CIITA: variants seen among roughly 807,000 people sequenced by gnomAD.
CIITA encodes the protein class II major histocompatibility complex transactivator, also known as MHC class II transactivator.
Under a neutral mutation model 115.1 loss-of-function variants are expected in CIITA, and 72 were observed. The observed-to-expected ratio is 0.63, with a 90% CI of 0.52 to 0.76. The LOEUF (loss-of-function observed/expected upper bound fraction) is 0.76. CIITA is among the 30% of genes least tolerant of loss of function. The pLI, the probability that CIITA is intolerant of heterozygous loss-of-function variation, is 0.00. For missense variants in CIITA, 1,617 were observed against 1,463.8 expected, an observed-to-expected ratio of 1.10 and a Z score of -1.71; for synonymous variants, 763 against 635.6, an observed-to-expected ratio of 1.20 and a Z score of -3.02.
In CIITA at chr16:10,901,565, A is replaced by G. The variant is rs780081931; in HGVS notation, c.481+7A>G. On this transcript the variant is annotated splice_region_variant and intron_variant, in intron 6 of 19. Coordinates refer to ENST00000324288, the MANE Select transcript of CIITA (RefSeq NM_000246.4). The surrounding 1 kb of genome is among the most constrained non-coding windows in gnomAD (Gnocchi z 6.8). ...CTGAAGCACTGGAAGCCAGGTGTGC[A>G]GGGCAGGTGGGCTGGGGTTGGGAAG... 3.1e-6 allele frequency: 5 copies of G among 1,613,780 alleles called. No homozygotes were observed. Among genetic ancestry groups the G allele is most frequent in the Non-Finnish European group, 4.2e-6 (5 of 1,179,894 alleles).
At position 10,901,026 on chromosome 16, in the gene CIITA, G is replaced by T. The variant is rs1458207999; in HGVS notation, c.437-488G>T. Reference sequence around the variant, plus strand: ...CCATGCAGTGTTTCGTTGGGTAGATGAACCATAATTTGTTTAAGCAGTCCC... The same window carrying T: ...CCATGCAGTGTTTCGTTGGGTAGATTAACCATAATTTGTTTAAGCAGTCCC... On this transcript the variant is annotated intron_variant, in intron 5 of 19. Transcript: ENST00000324288. The surrounding 1 kb of genome is among the most constrained non-coding windows in gnomAD (Gnocchi z 6.8). Among the ~76,000 whole-genome samples, 1 of 152,098 alleles carries T rather than the reference G, an allele frequency of 6.6e-6. No homozygotes were observed. The highest frequency in any genetic ancestry group is 1.5e-5 in the Non-Finnish European group (1 of 68,012).
At position 10,898,910 on chromosome 16, in the gene CIITA, T is replaced by A; in HGVS notation, c.359-15T>A. The stretch of plus-strand genomic sequence containing the variant: ...ATTGATTGTGTGAGTTGGTCTCTGG[T>A]TTTTCTCAAAGTAGAGCACATAGGA... On this transcript the variant is annotated splice_polypyrimidine_tract_variant and intron_variant, in intron 4 of 19. Coordinates refer to ENST00000324288, the MANE Select transcript of CIITA (RefSeq NM_000246.4). 1 of 1,613,754 alleles carries A rather than the reference T, an allele frequency of 6.2e-7. No individual in the cohort carries two copies. Among genetic ancestry groups the A allele is most frequent in the Admixed American group, 1.7e-5 (1 of 59,998 alleles).
intron 16 of CIITA, 117 bp downstream of exon 16, chr16:10,918,643 C>T: frequency 1.2e-6 from 1 of 830,404 alleles, no homozygotes; most frequent in East Asian, 2.5e-5. Flanking sequence ...CACCACAGCC[C>T]TGAACAAAAG....
At position 10,923,109 on chromosome 16, in the gene CIITA, G is replaced by T. The variant is rs945445396; in HGVS notation, c.3318-119G>T. On this transcript the variant is annotated intron_variant, in intron 18 of 19. Coordinates refer to ENST00000324288, the MANE Select transcript of CIITA (RefSeq NM_000246.4). This position sits in a 1 kb window ranked among gnomAD's most constrained non-coding sequence, Gnocchi z 5.2. ...CCCACACCGGTCGGTATCTTGCCAG[G>T]GGAAAAGTCCCCAACGTTCTAGGCT... 25 of 874,810 alleles carry T rather than the reference G, an allele frequency of 2.9e-5. No homozygotes were observed. Among genetic ancestry groups the T allele is most frequent in the Non-Finnish European group, 4.0e-5 (21 of 521,786 alleles). The allele number at this position is 874,810 out of a possible 1,614,324, so 54.2% of individuals were successfully genotyped here.
At position 10,928,296 on chromosome 16, in the gene CIITA, T is replaced by G. The variant is rs1480342019; in HGVS notation, c.*4441T>G. 1 of 152,160 alleles carries G rather than the reference T, an allele frequency of 6.6e-6. No homozygotes were observed. Among genetic ancestry groups the G allele is most frequent in the African/African-American group, 2.4e-5 (1 of 41,436 alleles). The allele number at this position is 152,160 out of a possible 1,614,324, so 9.4% of individuals were successfully genotyped here. On this transcript the variant is annotated 3_prime_UTR_variant, in exon 20 of 20. Coordinates refer to ENST00000324288, the MANE Select transcript of CIITA (RefSeq NM_000246.4). ...TTCCGTGAAACTACAAGCTCCCAAT[T>G]CCACTCATTTAATCCCTCTCTTGCT...
At chr16:10,882,199 G>A (rs1596444618) in intron 1 of CIITA, among the ~76,000 whole-genome samples, 1 of 152,144 alleles carries the variant, frequency 6.6e-6, no homozygotes, top group Admixed American at 6.5e-5. Flanking sequence ...GTCTATTTAA[G>A]TTTCTTTAAA....
rs2041142687 is a variant in CIITA, at chr16:10,942,929, G to A, written n.2055G>A. 1.3e-5 allele frequency: 2 copies of A among 152,248 alleles called. No homozygotes were observed. The highest frequency in any genetic ancestry group is 4.8e-5 in the African/African-American group (2 of 41,446). 9.4% of individuals were successfully genotyped at this position (152,248 alleles called of 1,614,324 possible). A position where few individuals can be genotyped will look rare whatever the true frequency, so the allele number is the denominator to read the frequency against. Reference sequence around the variant, plus strand: ...CCCTTCGCTTCTCCAAACTCTGGTTGCTGGAAGGTCCGCCCACTACGGAAC... The same window carrying A: ...CCCTTCGCTTCTCCAAACTCTGGTTACTGGAAGGTCCGCCCACTACGGAAC... On this transcript the variant is annotated non_coding_transcript_exon_variant, in exon 2 of 2. Coordinates refer to the CIITA transcript ENST00000573379. This position sits in a 1 kb window ranked among gnomAD's most constrained non-coding sequence, Gnocchi z 5.0.
chr16:10,911,832 C>T (rs745622379), intron 13 of CIITA, among the ~76,000 whole-genome samples: 16 of 150,940 alleles, frequency 1.1e-4, no homozygotes, highest in Admixed American at 2.0e-4. Context: ...ATTACAGGTG[C>T]GAGCTCCCGC....
At position 10,903,834 on chromosome 16, in the gene CIITA, A is replaced by G. The variant is rs1237976267; in HGVS notation, c.876A>G (p.Pro292=). The stretch of plus-strand genomic sequence containing the variant: ...CAGGCTCCACCAGCCCCTTCGCTCC[A>G]TCAGCCACTGACCTGCCCAGCATGC... ...DRPGSTSPFA[P]SATDLPSMPE... The change falls in exon 9 of 20, where the codon CCA becomes CCG. Residue 292 remains proline (P), a synonymous_variant. Transcript: ENST00000324288. 6.2e-7 allele frequency: 1 copy of G among 1,614,040 alleles called. No individual in the cohort carries two copies. The highest frequency in any genetic ancestry group is 8.5e-7 in the Non-Finnish European group (1 of 1,180,016).
At chr16:10,871,029 G>A (rs190714218) in intron 1 of CIITA, among the ~76,000 whole-genome samples, 4 of 152,250 alleles carry the variant, frequency 2.6e-5, no homozygotes, top group African/African-American at 9.6e-5. Context: ...CTGCCCTCGA[G>A]TTGAACTGGC....
At chr16:10,916,482 T>A (rs1395872620) in intron 15 of CIITA, 23 bp downstream of exon 15, 4 of 1,596,102 alleles carry the variant, frequency 2.5e-6, no homozygotes, top group Non-Finnish European at 3.4e-6. Context: ...GGCCTGCCCT[T>A]CCTGCTGAAT....
In CIITA at chr16:10,941,563, A is replaced by G; in HGVS notation, n.689A>G. ...CGCCCTCATCCTGTTCAGAGAGGGC[A>G]CTTACAGGCCTCGGAGGCAGGGGAG... On this transcript the variant is annotated non_coding_transcript_exon_variant, in exon 2 of 2. Transcript: ENST00000573379. The surrounding 1 kb of genome is among the most constrained non-coding windows in gnomAD (Gnocchi z 6.4). The G allele has an allele frequency of 6.9e-7, 1 of 1,447,940 alleles. No individual in the cohort carries two copies. The highest frequency in any genetic ancestry group is 2.5e-5 in the East Asian group (1 of 39,906). 89.7% of individuals were successfully genotyped at this position (1,447,940 alleles called of 1,614,324 possible). A position where few individuals can be genotyped will look rare whatever the true frequency, so the allele number is the denominator to read the frequency against.
intron 5 of CIITA, among the ~76,000 whole-genome samples, chr16:10,900,717 G>A (rs1345115220): frequency 6.6e-6 from 1 of 151,084 alleles, no homozygotes; most frequent in Non-Finnish European, 1.5e-5. Context: ...TCCAGCCTGG[G>A]CAACAGAGCT....
intron 1 of CIITA, among the ~76,000 whole-genome samples, chr16:10,889,296 G>A (rs2037294505): frequency 6.6e-6 from 1 of 152,172 alleles, no homozygotes; most frequent in Admixed American, 6.5e-5. Flanking sequence ...CTTGGCTCTG[G>A]GGATAGAGGA....
rs1350145530 is a variant in CIITA at position 10,877,213 on chromosome 16, T to C, written c.-118T>C. ...ACTGGTGACTGGTTAGTGATGAGGC[T>C]AGTGATGAGGCTGTGTGCTTCTGAG... On this transcript the variant is annotated 5_prime_UTR_variant, in exon 1 of 20. Transcript: ENST00000324288. The C allele has an allele frequency of 1.2e-6, 1 of 831,396 alleles. No individual in the cohort carries two copies. Among genetic ancestry groups the C allele is most frequent in the Non-Finnish European group, 2.0e-6 (1 of 490,950 alleles). 51.5% of individuals were successfully genotyped at this position (831,396 alleles called of 1,614,324 possible). A position where few individuals can be genotyped will look rare whatever the true frequency, so the allele number is the denominator to read the frequency against.
At chr16:10,937,216 G>A (rs558894436), downstream of CIITA, 4 of 152,410 alleles carry the variant, frequency 2.6e-5, no homozygotes. This position sits in a 1 kb window ranked among gnomAD's most constrained non-coding sequence, Gnocchi z 4.2. Flanking sequence ...CCAGGCCTGG[G>A]GGTATACTTG....
At chr16:10,868,347 C>T (rs1268879350) in intron 1 of CIITA, among the ~76,000 whole-genome samples, 1 of 152,230 alleles carries the variant, frequency 6.6e-6, no homozygotes, top group Non-Finnish European at 1.5e-5. Context: ...TGATCTTCAA[C>T]TTAGCCTTCA....
At chr16:10,910,894 C>G (rs1157988595) in intron 13 of CIITA, among the ~76,000 whole-genome samples, 1 of 152,228 alleles carries the variant, frequency 6.6e-6, no homozygotes, top group African/African-American at 2.4e-5. Flanking sequence ...TTTTGATGTG[C>G]AGCTAGGATG....
chr16:10,894,724 C>G (rs981911537), intron 1 of CIITA, among the ~76,000 whole-genome samples: 2 of 152,212 alleles, frequency 1.3e-5, no homozygotes, highest in Non-Finnish European at 2.9e-5. Context: ...GAGACTTGCT[C>G]AAGTCCACCC....
Sources: allele counts gnomAD v4.1 joint callset (sites outside exome capture counted in the v4.1 genomes callset), GRCh38; gene constraint gnomAD v4.1.1; non-coding constraint Gnocchi (gnomAD v3.1); transcripts MANE v1.5; gene names NCBI Gene and HGNC (gene_info 2026-07-23, HGNC 2026-07-21).